Variants in TBC1D9B observed in about 807,000 individuals in gnomAD.
TBC1D9B encodes TBC1 domain family member 9B.
Under a neutral mutation model 121.1 loss-of-function variants are expected in TBC1D9B, and 87 were observed. The observed-to-expected ratio is 0.72, with a 90% confidence interval of 0.60 to 0.86. The LOEUF is 0.86. Ranked by LOEUF, TBC1D9B falls within the 40% of genes least tolerant of loss-of-function variation. The probability of loss-of-function intolerance (pLI) is 0.00; values close to 1 mark genes in which losing one functional copy is unlikely to be tolerated. For missense variants in TBC1D9B, 1,540 were observed against 1,628.6 expected (o/e 0.95, Z 0.94); for synonymous variants, 668 against 670.1 (o/e 1.00, Z 0.05).
At chr5:179,905,957 G>A (rs1243250796) in intron 1 of TBC1D9B, among the ~76,000 whole-genome samples, 1 of 152,170 alleles carries the variant, frequency 6.6e-6, no homozygotes, top group Non-Finnish European at 1.5e-5. Context: ...TCGGCTCACT[G>A]CAACCTTGAC....
chr5:179,882,983 C>T (rs1399728925), intron 7 of TBC1D9B, among the ~76,000 whole-genome samples: 1 of 152,146 alleles, frequency 6.6e-6, no homozygotes, highest in Admixed American at 6.5e-5. Flanking sequence ...CTCAGCCTCC[C>T]AAGTAGCTGT....
At chr5:179,868,065 T>A in intron 17 of TBC1D9B, 1 of 406,378 alleles carries the variant, frequency 2.5e-6, no homozygotes, top group Non-Finnish European at 4.4e-6. Flanking sequence ...TTTAATGGAC[T>A]CTCACTTTAT....
At chr5:179,888,508 G>A (rs890970678) in intron 6 of TBC1D9B, among the ~76,000 whole-genome samples, 196 bp from the exon 7 acceptor site, 7 of 152,134 alleles carry the variant, frequency 4.6e-5, no homozygotes, top group Non-Finnish European at 7.3e-5. Flanking sequence ...CTAAGGGCCC[G>A]TTTTTCCTGT....
intron 2 of TBC1D9B, among the ~76,000 whole-genome samples, chr5:179,900,691 A>G: frequency 6.6e-6 from 1 of 152,152 alleles, no homozygotes; most frequent in Non-Finnish European, 1.5e-5. Flanking sequence ...TTTAATACGT[A>G]TCCCTGATCG....
chr5:179,878,517 C>A lies in TBC1D9B; in HGVS notation c.1574G>T (p.Trp525Leu), dbSNP rs1487483011. The stretch of plus-strand genomic sequence containing the variant: ...CCCGGGGTGAGTCACCATCTCATTC[C>A]AGGCCCCTGGGGAGACACGGGTGCC... ...GELWLLFSGA[W>L]NEMVTHPGYY... The change falls in exon 10 of 21, where the codon TGG (tryptophan) becomes TTG (leucine). Residue 525 changes from tryptophan to leucine, a missense_variant. Physicochemically the swap from Trp to Leu is moderately conservative, Grantham distance 61. Transcript: ENST00000355235. 2 of 1,601,934 alleles carry A rather than the reference C, an allele frequency of 1.2e-6. No homozygotes were observed. The highest frequency in any genetic ancestry group is 1.7e-6 in the Non-Finnish European group (2 of 1,173,734).
rs1363253877 is a variant in TBC1D9B, at chr5:179,865,042, G to C, written c.3021+212C>G. Among the ~76,000 whole-genome samples the C allele has an allele frequency of 6.6e-6, 1 of 152,204 alleles. No homozygotes were observed. The highest frequency in any genetic ancestry group is 1.9e-4 in the East Asian group (1 of 5,192). On this transcript the variant is annotated intron_variant, in intron 20 of 20. Coordinates refer to ENST00000355235, the MANE Select transcript of TBC1D9B (RefSeq NM_015043.4). The surrounding 1 kb of genome is among the most constrained non-coding windows in gnomAD (Gnocchi z 5.1). ...TGGTTCACAGACACTCACTCAATCT[G>C]GAAACATGCCCCTATACAAGGCCCT...
chr5:179,865,791 C>A lies in TBC1D9B; in HGVS notation c.2914+47G>T. The A allele has an allele frequency of 6.5e-7, 1 of 1,544,008 alleles. No homozygotes were observed. Among genetic ancestry groups the A allele is most frequent in the African/African-American group, 1.4e-5 (1 of 72,890 alleles). ...GGGAAAAGACCAGCAAGCAAGGGTG[C>A]CTCAACGCTGGGGTCTCTAAGAACA... is the stretch of plus-strand genomic sequence containing the variant. On this transcript the variant is annotated intron_variant, in intron 19 of 20. Transcript: ENST00000355235. The surrounding 1 kb of genome is among the most constrained non-coding windows in gnomAD (Gnocchi z 5.1).
chr5:179,887,232 C>T (rs1221407691), intron 7 of TBC1D9B, among the ~76,000 whole-genome samples: 1 of 152,226 alleles, frequency 6.6e-6, no homozygotes, highest in Non-Finnish European at 1.5e-5. Context: ...TGGATCCAGG[C>T]ATATTCTCAA....
Position 179,907,024 on chromosome 5 carries a change from A to C in TBC1D9B, c.118+680T>G, listed in dbSNP as rs373403749. ...GGATCCCACAGGCCGCACGACTCCAAGGGTGCCTGTCCAGCTTCATCCTGT... is the reference window on the plus strand; with the variant it reads ...GGATCCCACAGGCCGCACGACTCCACGGGTGCCTGTCCAGCTTCATCCTGT... On this transcript the variant is annotated intron_variant, in intron 1 of 20. Transcript: ENST00000355235. The surrounding 1 kb of genome is among the most constrained non-coding windows in gnomAD (Gnocchi z 5.3). Among the ~76,000 whole-genome samples, 1 of 152,160 alleles carries C rather than the reference A, an allele frequency of 6.6e-6. No individual in the cohort carries two copies. The highest frequency in any genetic ancestry group is 2.4e-5 in the African/African-American group (1 of 41,464).
At chr5:179,871,831 G>A (rs567714093) in intron 14 of TBC1D9B, 96 of 181,768 alleles carry the variant, frequency 5.3e-4, no homozygotes, top group South Asian at 4.9e-3. Flanking sequence ...CTCACACTCC[G>A]GGCCCCTTCC....
At chr5:179,868,116 C>T (rs1428476657) in intron 17 of TBC1D9B, 1 of 283,508 alleles carries the variant, frequency 3.5e-6, no homozygotes, top group African/African-American at 2.2e-5. Context: ...CAGCTCACTG[C>T]AAGCTCCGCC....
chr5:179,884,213 A>C (rs1760614761), intron 7 of TBC1D9B, among the ~76,000 whole-genome samples: 1 of 152,238 alleles, frequency 6.6e-6, no homozygotes. Flanking sequence ...GGAGCCTGAG[A>C]AATCGGCTCC....
Position 179,862,497 on chromosome 5 carries a change from C to T in TBC1D9B, c.*951G>A, listed in dbSNP as rs1347873767. Reference sequence around the variant, plus strand: ...CTTCACCAGGACCCACAACCCCTGCCCATGAAGACCTGTGGAGCTCAGGGC... The same window carrying T: ...CTTCACCAGGACCCACAACCCCTGCTCATGAAGACCTGTGGAGCTCAGGGC... On this transcript the variant is annotated 3_prime_UTR_variant, in exon 21 of 21. Transcript: ENST00000355235. The T allele has an allele frequency of 2.2e-6, 1 of 447,032 alleles. No individual in the cohort carries two copies. The highest frequency in any genetic ancestry group is 2.4e-5 in the Admixed American group (1 of 42,444). The allele number at this position is 447,032 out of a possible 1,614,324, so 27.7% of individuals were successfully genotyped here.
At chr5:179,892,537 C>T (rs1001356002) in intron 5 of TBC1D9B, among the ~76,000 whole-genome samples, 1 of 152,234 alleles carries the variant, frequency 6.6e-6, no homozygotes, top group Non-Finnish European at 1.5e-5. Flanking sequence ...GGAACCCAAA[C>T]GTTAAGTAGC....
At chr5:179,871,068 C>T (rs1760182299) in intron 15 of TBC1D9B, among the ~76,000 whole-genome samples, 1 of 152,184 alleles carries the variant, frequency 6.6e-6, no homozygotes, top group Admixed American at 6.5e-5. Flanking sequence ...GACGACAGTC[C>T]TGGCATGGTG....
intron 7 of TBC1D9B, among the ~76,000 whole-genome samples, chr5:179,887,152 C>T (rs966691928): frequency 3.9e-5 from 6 of 152,238 alleles, no homozygotes; most frequent in African/African-American, 1.2e-4. Context: ...GTCAGCTTCC[C>T]TCTTTGGGAG....
Position 179,902,946 on chromosome 5 carries a change from C to A in TBC1D9B, c.229+1756G>T, listed in dbSNP as rs1466217745. Among the ~76,000 whole-genome samples the A allele has an allele frequency of 6.6e-6, 1 of 152,190 alleles. No homozygotes were observed. Among genetic ancestry groups the A allele is most frequent in the Non-Finnish European group, 1.5e-5 (1 of 68,034 alleles). On this transcript the variant is annotated intron_variant, in intron 2 of 20. Transcript: ENST00000355235. This position sits in a 1 kb window ranked among gnomAD's most constrained non-coding sequence, Gnocchi z 4.9. The stretch of plus-strand genomic sequence containing the variant: ...AGTCCTGCAAAGGAGAAGGGCACTG[C>A]TGGTCAGGATGCCCGTGCAGAGCGC...
At chr5:179,867,710 C>T in intron 18 of TBC1D9B, 68 bp downstream of exon 18, 2 of 1,601,794 alleles carry the variant, frequency 1.2e-6, no homozygotes. Flanking sequence ...CTGCCCGAGC[C>T]CCACAGGAAG....
In TBC1D9B at chr5:179,870,372, T is replaced by C. The variant is rs1760152831; in HGVS notation, c.2608A>G (p.Ser870Gly). ...GAGCCACAGGCCCAGGGTGTCAGGC[T>C]GGCAAAGAGTTCCCGGAACTGGCTG... ...DASQFRELFA[S>G]LTPWACGSHT... The change falls in exon 16 of 21, where the codon AGC (serine) becomes GGC (glycine). Residue 870 changes from serine to glycine, a missense_variant. By Grantham distance (56) the Ser-to-Gly change is moderately conservative. Coordinates refer to ENST00000355235, the MANE Select transcript of TBC1D9B (RefSeq NM_015043.4). 6.2e-7 allele frequency: 1 copy of C among 1,613,842 alleles called. No homozygotes were observed. Among genetic ancestry groups the C allele is most frequent in the Non-Finnish European group, 8.5e-7 (1 of 1,180,028 alleles).
Sources: allele counts gnomAD v4.1 joint callset (sites outside exome capture counted in the v4.1 genomes callset), GRCh38; gene constraint gnomAD v4.1.1; non-coding constraint Gnocchi (gnomAD v3.1); transcripts MANE v1.5; gene names NCBI Gene and HGNC (gene_info 2026-07-23, HGNC 2026-07-21).